Variants in RALGAPB observed in about 807,000 individuals in gnomAD.
RALGAPB encodes Ral GTPase activating protein non-catalytic subunit beta, also known as ral GTPase-activating protein subunit beta.
RALGAPB carries 25 observed loss-of-function variants against 161.1 expected under a neutral mutation model. The ratio of observed to expected loss-of-function variants is 0.16; its 90% CI spans 0.11 to 0.22. The LOEUF is 0.22. RALGAPB is among the 10% of genes least tolerant of loss of function. The probability of loss-of-function intolerance (pLI) is 1.00; values close to 1 mark genes in which losing one functional copy is unlikely to be tolerated. For synonymous variants in RALGAPB, 629 were observed against 626.1 expected (o/e 1.00, Z -0.07); for missense variants, 1,391 against 1,815.2 (o/e 0.77, Z 4.25).
At chr20:38,473,759 T>A (rs1476241631) in intron 1 of RALGAPB, among the ~76,000 whole-genome samples, 1 of 152,184 alleles carries the variant, frequency 6.6e-6, no homozygotes, top group Non-Finnish European at 1.5e-5. Context: ...CTGGGGGAAA[T>A]TGTAAAGGTT....
intron 12 of RALGAPB, 109 bp from the exon 13 acceptor site, chr20:38,525,786 G>A: frequency 8.6e-7 from 1 of 1,168,784 alleles, no homozygotes; most frequent in Non-Finnish European, 1.2e-6. Flanking sequence ...GCTAATATTA[G>A]ACTGAAAGCC....
At chr20:38,515,739 C>CT (rs2086105430) in intron 6 of RALGAPB, among the ~76,000 whole-genome samples, 1 of 149,892 alleles carries the variant, frequency 6.7e-6, no homozygotes, top group South Asian at 2.1e-4. Flanking sequence ...TTCTTTTTTT[C>CT]TTTTTTTCCT....
rs1393373954 is a variant in RALGAPB, at chr20:38,521,584, C to G, written c.1505C>G (p.Ala502Gly). Reference protein sequence around the residue: ...DTMVSNPMFDASEFPDNYEAG... With the variant: ...DTMVSNPMFDGSEFPDNYEAG... ...ATGGTTTCCAATCCTATGTTTGATG[C>G]AAGTGAATTTCCTGATAACTATGAA... The change falls in exon 10 of 30, where the codon GCA (alanine) becomes GGA (glycine). Residue 502 changes from alanine (A) to glycine (G), a missense_variant. Physicochemically the swap from Ala to Gly is moderately conservative, Grantham distance 60. Coordinates refer to ENST00000262879, the MANE Select transcript of RALGAPB (RefSeq NM_020336.4). The G allele has an allele frequency of 5.0e-6, 8 of 1,614,058 alleles. No homozygotes were observed. The highest frequency in any genetic ancestry group is 6.8e-6 in the Non-Finnish European group (8 of 1,180,040).
chr20:38,513,826 T>C (rs564789083), intron 6 of RALGAPB, among the ~76,000 whole-genome samples: 1 of 152,290 alleles, frequency 6.6e-6, no homozygotes, highest in South Asian at 2.1e-4. Flanking sequence ...AAAGTTTTGC[T>C]TGGTTATGGA....
At chr20:38,543,117 T>G (rs903835341) in intron 18 of RALGAPB, among the ~76,000 whole-genome samples, 1 of 152,196 alleles carries the variant, frequency 6.6e-6, no homozygotes, top group South Asian at 2.1e-4. Context: ...CTCATCTGTT[T>G]CGCTTCAGCT....
intron 1 of RALGAPB, among the ~76,000 whole-genome samples, chr20:38,479,864 C>T (rs1242465264): frequency 1.3e-5 from 2 of 152,188 alleles, no homozygotes; most frequent in Admixed American, 6.5e-5. Context: ...TATATGGTAG[C>T]CACATTGGAG....
chr20:38,567,332 C>T, intron 26 of RALGAPB, 100 bp downstream of exon 26: 1 of 1,438,332 alleles, frequency 7.0e-7, no homozygotes, highest in Non-Finnish European at 9.2e-7. Flanking sequence ...GTATTTATAT[C>T]AGAGTACTGA....
At chr20:38,480,077 G>T (rs552395355) in intron 1 of RALGAPB, among the ~76,000 whole-genome samples, 2 of 152,102 alleles carry the variant, frequency 1.3e-5, no homozygotes, top group East Asian at 3.9e-4. Flanking sequence ...CACCTCCTGG[G>T]TTCAAACGAT....
chr20:38,564,663 C>T (rs2145501928), intron 24 of RALGAPB, among the ~76,000 whole-genome samples: 1 of 152,230 alleles, frequency 6.6e-6, no homozygotes, highest in South Asian at 2.1e-4. Context: ...TTCAGTCTTC[C>T]TGGCTTAGAG....
Position 38,536,121 on chromosome 20 carries a change from A to G in RALGAPB, c.2379+914A>G, listed in dbSNP as rs369290164. 3.9e-4 allele frequency among the ~76,000 whole-genome samples: 60 copies of G among 152,262 alleles called. 1 individual carries two copies. In the South Asian group the frequency reaches 9.1e-3, roughly 23 times the overall value. On this transcript the variant is annotated intron_variant, in intron 16 of 29. Transcript: ENST00000262879. Reference sequence around the variant, plus strand: ...CATCCCTAAAGGAAACCCCATACCCATGAAGCAGTTTTGCTTCAGTCTCCG... The same window carrying G: ...CATCCCTAAAGGAAACCCCATACCCGTGAAGCAGTTTTGCTTCAGTCTCCG...
At chr20:38,502,898 G>T (rs534688832) in intron 5 of RALGAPB, among the ~76,000 whole-genome samples, 1 of 152,154 alleles carries the variant, frequency 6.6e-6, no homozygotes, top group African/African-American at 2.4e-5. Context: ...GAGCCACTGC[G>T]CCTGGCCCTT....
At chr20:38,543,829 CTT>C (rs1460663733) in intron 18 of RALGAPB, among the ~76,000 whole-genome samples, 5 of 152,150 alleles carry the variant, frequency 3.3e-5, no homozygotes, top group African/African-American at 1.2e-4. Context: ...GAAGATGACT[CTT>C]TTCTGTACTT....
Position 38,541,047 on chromosome 20 carries a change from C to A in RALGAPB, c.2569C>A (p.Leu857Ile). Residue 857 changes from leucine to isoleucine, a missense_variant, in exon 18 of 30, where the codon CTT (leucine) becomes ATT (isoleucine). Coordinates refer to ENST00000262879, the MANE Select transcript of RALGAPB (RefSeq NM_020336.4). ...HPDMLDEKDC[L>I]KEVLEIVELG... ...CTGCCTTTCCTGCTTTTAGGACTGC[C>A]TTAAGGAAGTACTGGAGATTGTGGA... 1.2e-6 allele frequency: 2 copies of A among 1,613,742 alleles called. No homozygotes were observed. The highest frequency in any genetic ancestry group is 1.7e-6 in the Non-Finnish European group (2 of 1,179,822).
chr20:38,523,964 A>G (rs1010232338), intron 10 of RALGAPB, among the ~76,000 whole-genome samples: 2 of 152,182 alleles, frequency 1.3e-5, no homozygotes, highest in East Asian at 3.8e-4. Context: ...ATTTGCTAGT[A>G]TGGTTTTAGT....
chr20:38,521,737 T>C (rs374116689), intron 10 of RALGAPB, 39 bp downstream of exon 10: 41 of 1,602,012 alleles, frequency 2.6e-5, no homozygotes, highest in East Asian at 4.5e-5. Context: ...TTATATAGTT[T>C]TGATAGTGAA....
intron 13 of RALGAPB, among the ~76,000 whole-genome samples, chr20:38,527,205 T>C (rs1367063587): frequency 6.6e-6 from 1 of 152,226 alleles, no homozygotes; most frequent in East Asian, 1.9e-4. Context: ...TCTTAGATTT[T>C]TATCTGTTCA....
At chr20:38,521,759 T>C in intron 10 of RALGAPB, 61 bp downstream of exon 10, 1 of 1,556,106 alleles carries the variant, frequency 6.4e-7, no homozygotes, top group Non-Finnish European at 8.8e-7. Flanking sequence ...CCATTGTTGG[T>C]TGGCCGACTG....
intron 1 of RALGAPB, among the ~76,000 whole-genome samples, chr20:38,486,502 G>C (rs548412451): frequency 2.0e-5 from 3 of 152,226 alleles, no homozygotes; most frequent in Non-Finnish European, 4.4e-5. Context: ...CAGATTCTCA[G>C]GCCCCAGCTC....
chr20:38,558,560 G>A (rs953463028), intron 23 of RALGAPB, 107 bp downstream of exon 23: 37 of 1,039,896 alleles, frequency 3.6e-5, no homozygotes, highest in Non-Finnish European at 4.7e-5. Flanking sequence ...TTGGGCCAGA[G>A]TTGAGGACTG....
Sources: allele counts gnomAD v4.1 joint callset (sites outside exome capture counted in the v4.1 genomes callset), GRCh38; gene constraint gnomAD v4.1.1; transcripts MANE v1.5; gene names NCBI Gene and HGNC (gene_info 2026-07-23, HGNC 2026-07-21).